ST6GALNAC3: variants seen among roughly 807,000 people sequenced by gnomAD.
ST6GALNAC3 encodes the protein ST6 N-acetylgalactosaminide alpha-2,6-sialyltransferase 3.
Under a neutral mutation model 32.7 loss-of-function variants are expected in ST6GALNAC3, and 25 were observed. That is an observed-to-expected ratio of 0.76 (90% CI 0.56 to 1.07). The LOEUF (loss-of-function observed/expected upper bound fraction) is 1.07. Among genes scored for constraint, ST6GALNAC3 ranks in the 50% least tolerant of loss-of-function variants. ST6GALNAC3 has a pLI of 0.00. For missense variants in ST6GALNAC3, 355 were observed against 382.4 expected (o/e 0.93, Z 0.60); for synonymous variants, 129 against 133.1 (o/e 0.97, Z 0.21).
At chr1:76,086,493 C>T (rs1219832589) in intron 1 of ST6GALNAC3, among the ~76,000 whole-genome samples, 1 of 152,092 alleles carries the variant, frequency 6.6e-6, no homozygotes, top group Non-Finnish European at 1.5e-5. Context: ...TGTAAGTTTT[C>T]CCTTTTGCTT....
intron 1 of ST6GALNAC3, among the ~76,000 whole-genome samples, chr1:76,256,615 ATAT>A (rs1443544456): frequency 6.6e-6 from 1 of 151,600 alleles, no homozygotes; most frequent in Admixed American, 6.6e-5. Flanking sequence ...TTAAAAAGTA[ATAT>A]TTGAATTTTG....
At chr1:76,348,835 T>G (rs534258335) in intron 2 of ST6GALNAC3, among the ~76,000 whole-genome samples, 2 of 152,326 alleles carry the variant, frequency 1.3e-5, no homozygotes, top group South Asian at 4.1e-4. Context: ...GCCACTCTGG[T>G]TATGTATTTA....
At chr1:76,518,417 C>T (rs1296509610) in intron 3 of ST6GALNAC3, among the ~76,000 whole-genome samples, 2 of 151,944 alleles carry the variant, frequency 1.3e-5, no homozygotes, top group Non-Finnish European at 1.5e-5. Context: ...TTGTAATGAT[C>T]GAAATATTTA....
intron 1 of ST6GALNAC3, among the ~76,000 whole-genome samples, chr1:76,256,373 A>T (rs1019168765): frequency 6.6e-6 from 1 of 152,138 alleles, no homozygotes; most frequent in Non-Finnish European, 1.5e-5. Context: ...TAACAAAAAG[A>T]CACTGAAACT....
intron 3 of ST6GALNAC3, among the ~76,000 whole-genome samples, chr1:76,491,662 G>A (rs1354839798): frequency 1.3e-5 from 2 of 152,160 alleles, no homozygotes; most frequent in Admixed American, 6.5e-5. Flanking sequence ...CACTGGAAGT[G>A]AGATGCCAGT....
At chr1:76,389,139 A>G (rs889802760) in intron 2 of ST6GALNAC3, among the ~76,000 whole-genome samples, 4 of 150,562 alleles carry the variant, frequency 2.7e-5, no homozygotes, top group African/African-American at 9.8e-5. Flanking sequence ...AGCTTGATTG[A>G]GTGTTCAGGA....
chr1:76,331,908 C>T (rs929660251), intron 2 of ST6GALNAC3, among the ~76,000 whole-genome samples: 1 of 152,122 alleles, frequency 6.6e-6, no homozygotes, highest in Admixed American at 6.6e-5. Context: ...TAGAGACCTG[C>T]CTAAAATATC....
intron 2 of ST6GALNAC3, among the ~76,000 whole-genome samples, chr1:76,339,997 A>T (rs2100987759): frequency 6.6e-6 from 1 of 152,334 alleles, no homozygotes; most frequent in South Asian, 2.1e-4. Context: ...GCAAGAATAC[A>T]TTCCCTGAGC....
intron 1 of ST6GALNAC3, among the ~76,000 whole-genome samples, chr1:76,185,578 C>T (rs537502020): frequency 3.9e-5 from 6 of 152,244 alleles, no homozygotes; most frequent in Admixed American, 3.3e-4. Context: ...GGCTCCTCAC[C>T]CCTGATGCAT....
At chr1:76,536,665 A>G (rs1374274741) in intron 3 of ST6GALNAC3, among the ~76,000 whole-genome samples, 2 of 150,310 alleles carry the variant, frequency 1.3e-5, no homozygotes, top group Non-Finnish European at 3.0e-5. Flanking sequence ...AAAAAAAAAA[A>G]AAAAAAAAAA....
intron 1 of ST6GALNAC3, among the ~76,000 whole-genome samples, chr1:76,249,182 A>T (rs1174874443): frequency 6.6e-6 from 1 of 152,148 alleles, no homozygotes; most frequent in Non-Finnish European, 1.5e-5. Context: ...GCGTTGTGCA[A>T]ACGTCTCCAC....
intron 1 of ST6GALNAC3, among the ~76,000 whole-genome samples, chr1:76,175,191 T>TA (rs902772884): frequency 6.7e-5 from 10 of 149,310 alleles, no homozygotes; most frequent in Middle Eastern, 6.8e-3. Flanking sequence ...TTTTTGTAAA[T>TA]AAAAAAAAAA....
At chr1:76,367,184 T>C (rs1650441128) in intron 2 of ST6GALNAC3, among the ~76,000 whole-genome samples, 1 of 152,184 alleles carries the variant, frequency 6.6e-6, no homozygotes, top group Non-Finnish European at 1.5e-5. Context: ...TATAGTAAAC[T>C]ATATGTGAAA....
chr1:76,497,818 C>A (rs1660945986), intron 3 of ST6GALNAC3, among the ~76,000 whole-genome samples: 1 of 152,150 alleles, frequency 6.6e-6, no homozygotes, highest in Admixed American at 6.6e-5. Context: ...ACTCTCCTTC[C>A]TCATCTTTCC....
At chr1:76,434,204 G>T (rs1434183705) in intron 3 of ST6GALNAC3, among the ~76,000 whole-genome samples, 4 of 152,204 alleles carry the variant, frequency 2.6e-5, no homozygotes, top group African/African-American at 9.6e-5. Context: ...AGGAATCAAA[G>T]ACAGAGGTAA....
intron 1 of ST6GALNAC3, among the ~76,000 whole-genome samples, chr1:76,078,691 G>T (rs576933712): frequency 6.6e-6 from 1 of 152,246 alleles, no homozygotes; most frequent in African/African-American, 2.4e-5. Flanking sequence ...AATCTTAGCA[G>T]GTTCATTTCT....
intron 1 of ST6GALNAC3, among the ~76,000 whole-genome samples, chr1:76,187,398 C>T (rs146477340): frequency 5.5e-4 from 84 of 152,232 alleles, no homozygotes; most frequent in Middle Eastern, 3.4e-3. Context: ...TTCAAGTTAC[C>T]TGACTGGATG....
chr1:76,290,991 C>A (rs762482703), intron 1 of ST6GALNAC3, among the ~76,000 whole-genome samples: 5 of 152,094 alleles, frequency 3.3e-5, no homozygotes, highest in Admixed American at 6.5e-5. Context: ...AAAGGTCCAA[C>A]TGAGAAATGT....
intron 2 of ST6GALNAC3, among the ~76,000 whole-genome samples, chr1:76,364,539 C>T (rs565820003): frequency 4.0e-4 from 60 of 151,732 alleles, no homozygotes; most frequent in African/African-American, 1.3e-3. Context: ...GGTGACAGAG[C>T]GAGACTCCAC....
Sources: allele counts gnomAD v4.1 joint callset (sites outside exome capture counted in the v4.1 genomes callset), GRCh38; gene constraint gnomAD v4.1.1; transcripts MANE v1.5; gene names NCBI Gene and HGNC (gene_info 2026-07-23, HGNC 2026-07-21).